Variants in ALK observed in about 807,000 individuals in gnomAD.
ALK encodes ALK tyrosine kinase receptor.
A neutral mutation model predicts 163.1 loss-of-function variants in ALK; 74 were observed. The ratio of observed to expected loss-of-function variants is 0.45; its 90% CI spans 0.38 to 0.55. ALK has a LOEUF of 0.55. Among genes scored for constraint, ALK ranks in the 20% least tolerant of loss-of-function variants. The pLI, the probability that ALK is intolerant of heterozygous loss-of-function variation, is 0.00. For missense variants in ALK, 2,063 were observed against 2,105.3 expected (o/e 0.98, Z 0.39); for synonymous variants, 960 against 843.2 (o/e 1.14, Z -2.40).
At chr2:29,686,529 G>C (rs146678517) in intron 3 of ALK, among the ~76,000 whole-genome samples, 1 of 152,334 alleles carries the variant, frequency 6.6e-6, no homozygotes, top group African/African-American at 2.4e-5. Flanking sequence ...TGACCATCTA[G>C]TCTAAGATCT....
intron 1 of ALK, among the ~76,000 whole-genome samples, chr2:29,776,213 A>G (rs73922296): frequency 0.052 from 6,401 of 123,524 alleles, 332 homozygotes; most frequent in African/African-American, 0.14. Context: ...AGAAAATGCA[A>G]TGGAATTTTG....
At chr2:29,896,788 C>A (rs1298852856) in intron 1 of ALK, among the ~76,000 whole-genome samples, 1 of 152,138 alleles carries the variant, frequency 6.6e-6, no homozygotes, top group Non-Finnish European at 1.5e-5. Context: ...CCACATGATC[C>A]CATTGGACAG....
At chr2:29,425,363 G>A (rs1298631163) in intron 4 of ALK, among the ~76,000 whole-genome samples, 1 of 152,106 alleles carries the variant, frequency 6.6e-6, no homozygotes, top group Admixed American at 6.5e-5. Context: ...ACCCAGGAGG[G>A]ACAGGCTATG....
intron 1 of ALK, among the ~76,000 whole-genome samples, chr2:29,790,224 T>A (rs1256030000): frequency 6.6e-6 from 1 of 152,158 alleles, no homozygotes; most frequent in Non-Finnish European, 1.5e-5. Flanking sequence ...CAACCCTGCA[T>A]CTGCCGTAAT....
At chr2:29,656,714 A>G (rs1677195045) in intron 3 of ALK, among the ~76,000 whole-genome samples, 1 of 152,170 alleles carries the variant, frequency 6.6e-6, no homozygotes, top group Non-Finnish European at 1.5e-5. Context: ...ACTTAAAGCC[A>G]GGTAGTGCAC....
intron 3 of ALK, among the ~76,000 whole-genome samples, chr2:29,688,872 A>G (rs1015068378): frequency 2.0e-5 from 3 of 152,208 alleles, no homozygotes; most frequent in Admixed American, 2.0e-4. Context: ...CCCATTAACG[A>G]GATGAACTTC....
intron 3 of ALK, among the ~76,000 whole-genome samples, chr2:29,569,499 G>C (rs927588811): frequency 1.3e-5 from 2 of 152,120 alleles, no homozygotes; most frequent in Non-Finnish European, 2.9e-5. Context: ...GAATGGGAAA[G>C]TACCTAACAC....
At position 29,220,778 on chromosome 2, in the gene ALK, G is replaced by A. The variant is rs2148166552; in HGVS notation, c.3573C>T (p.Pro1191=). ...CCATGAGCTCCAGCAGGATGAACCG[G>A]GGCAGGGATTGCAGGCTCACCCCAA... ...RCIGVSLQSL[P]RFILLELMAG... Residue 1191 remains proline (P), a synonymous_variant, in exon 23 of 29, where the codon CCC becomes CCT. Coordinates refer to ENST00000389048, the MANE Select transcript of ALK (RefSeq NM_004304.5). 1 of 1,614,080 alleles carries A rather than the reference G, an allele frequency of 6.2e-7. No individual in the cohort carries two copies. Among genetic ancestry groups the A allele is most frequent in the Non-Finnish European group, 8.5e-7 (1 of 1,179,966 alleles).
At chr2:29,287,474 T>C (rs1665888909) in intron 9 of ALK, among the ~76,000 whole-genome samples, 1 of 152,096 alleles carries the variant, frequency 6.6e-6, no homozygotes. Context: ...GACAGAAACC[T>C]TAAATGATGA....
chr2:29,537,605 G>A (rs1673295172), intron 3 of ALK, among the ~76,000 whole-genome samples: 1 of 152,224 alleles, frequency 6.6e-6, no homozygotes, highest in Admixed American at 6.5e-5. Context: ...AAAATGCGGG[G>A]TTGGAGCCTC....
chr2:29,864,509 T>C (rs528254147), intron 1 of ALK, among the ~76,000 whole-genome samples: 12 of 152,364 alleles, frequency 7.9e-5, no homozygotes, highest in Non-Finnish European at 1.6e-4. Flanking sequence ...ACCCTTTGAA[T>C]GCATGTTCCA....
chr2:29,375,058 T>TA (rs1434130218), intron 5 of ALK, among the ~76,000 whole-genome samples: 10 of 152,152 alleles, frequency 6.6e-5, no homozygotes, highest in African/African-American at 2.2e-4. Flanking sequence ...GGTCAATAAT[T>TA]AACATCACAA....
intron 12 of ALK, among the ~76,000 whole-genome samples, chr2:29,244,601 C>T (rs926633253): frequency 3.3e-5 from 5 of 152,160 alleles, no homozygotes; most frequent in South Asian, 4.2e-4. Context: ...TCAGTGACCT[C>T]GCTCTATAGC....
At chr2:29,836,784 G>C (rs1347974600) in intron 1 of ALK, among the ~76,000 whole-genome samples, 2 of 152,154 alleles carry the variant, frequency 1.3e-5, no homozygotes, top group Non-Finnish European at 2.9e-5. Context: ...GCTGAAAAAT[G>C]TCACTGTTAT....
chr2:29,617,951 C>T lies in ALK; in HGVS notation c.952+76899G>A, dbSNP rs568772861. 3.9e-5 allele frequency among the ~76,000 whole-genome samples: 6 copies of T among 152,266 alleles called. No individual in the cohort carries two copies. In the South Asian group the frequency reaches 1.2e-3, roughly 32 times the overall value. On this transcript the variant is annotated intron_variant, in intron 3 of 28. Coordinates refer to ENST00000389048, the MANE Select transcript of ALK (RefSeq NM_004304.5). ...AGTCCTGTGATGACTCTTCTAGCAC[C>T]ACCGTTGGGCTGGGAGACCTGCCCT...
At chr2:29,494,137 G>A (rs965019143) in intron 4 of ALK, among the ~76,000 whole-genome samples, 2 of 152,198 alleles carry the variant, frequency 1.3e-5, no homozygotes, top group African/African-American at 4.8e-5. Context: ...CAATGTGATG[G>A]GTGGCTTAGA....
intron 11 of ALK, among the ~76,000 whole-genome samples, chr2:29,268,225 T>A (rs1301541385): frequency 6.6e-6 from 1 of 152,206 alleles, no homozygotes; most frequent in Non-Finnish European, 1.5e-5. Flanking sequence ...GAGTCTGTGC[T>A]ATTTCTTAAG....
In ALK at chr2:29,701,316, G is replaced by A. The variant is rs1000567299; in HGVS notation, c.788-6302C>T. Among the ~76,000 whole-genome samples the A allele has an allele frequency of 2.6e-5, 4 of 152,236 alleles. No individual in the cohort carries two copies. The East Asian group carries it at 7.7e-4, about 29-fold the overall frequency. The stretch of plus-strand genomic sequence containing the variant: ...ACCTTGGGTCAGTTTCAAGGTAGAG[G>A]ACCAGCAGCTCCCCTTAGTTTTAAA... On this transcript the variant is annotated intron_variant, in intron 2 of 28. Coordinates refer to ENST00000389048, the MANE Select transcript of ALK (RefSeq NM_004304.5).
chr2:29,315,898 T>C (rs2148246000), intron 8 of ALK, among the ~76,000 whole-genome samples: 1 of 152,228 alleles, frequency 6.6e-6, no homozygotes, highest in East Asian at 1.9e-4. Context: ...GCTGGACCAG[T>C]CGCCAGTCCC....
Sources: gnomAD v4.1 joint callset for allele counts (sites outside exome capture counted in the v4.1 genomes callset) on GRCh38, gnomAD v4.1.1 for gene constraint, MANE v1.5 for transcripts, NCBI Gene and HGNC (gene_info 2026-07-23, HGNC 2026-07-21) for gene names.